The following SMARCA2 variants were observed in gnomAD, a reference collection of about 807,000 sequenced individuals.
SMARCA2 encodes SWI/SNF related BAF chromatin remodeling complex subunit ATPase 2, also known as SWI/SNF-related matrix-associated actin-dependent regulator of chromatin subfamily A member 2.
A neutral mutation model predicts 199.8 loss-of-function variants in SMARCA2; 61 were observed. That is an observed-to-expected ratio of 0.31 (90% CI 0.25 to 0.38). The LOEUF is 0.38. SMARCA2 is among the 10% of genes least tolerant of loss of function. The pLI is 1.00. For synonymous variants in SMARCA2, 935 were observed against 732.0 expected, an observed-to-expected ratio of 1.28 and a Z score of -4.48; for missense variants, 1,344 against 2,012.2, an observed-to-expected ratio of 0.67 and a Z score of 6.35.
At chr9:2,108,743 A>AT (rs1393400937) in intron 23 of SMARCA2, among the ~76,000 whole-genome samples, 3 of 152,348 alleles carry the variant, frequency 2.0e-5, no homozygotes, top group African/African-American at 7.2e-5. Context: ...TCGTGAACAG[A>AT]TAGTTCACCA....
At chr9:2,072,135 A>G (rs1563748930) in intron 10 of SMARCA2, 1 of 152,216 alleles carries the variant, frequency 6.6e-6, no homozygotes, top group African/African-American at 2.4e-5. Context: ...AAACGATAGC[A>G]TACTGTAGGT....
intron 21 of SMARCA2, among the ~76,000 whole-genome samples, chr9:2,097,707 T>C (rs1822331111): frequency 6.6e-6 from 1 of 152,194 alleles, no homozygotes; most frequent in African/African-American, 2.4e-5. Flanking sequence ...ACCAAGAGTT[T>C]AAAGTGGAGA....
chr9:2,157,902 G>A, intron 27 of SMARCA2: 1 of 398,552 alleles, frequency 2.5e-6, no homozygotes. Context: ...TGTGTGTCAG[G>A]ATGAGAGGGC....
intron 10 of SMARCA2, among the ~76,000 whole-genome samples, chr9:2,072,868 C>T (rs1046172837): frequency 2.6e-5 from 4 of 152,188 alleles, no homozygotes; most frequent in African/African-American, 9.7e-5. Flanking sequence ...AGAGCCATTA[C>T]CGCTTTCCTG....
chr9:2,063,485 A>G (rs1820690841), intron 9 of SMARCA2, among the ~76,000 whole-genome samples: 1 of 152,154 alleles, frequency 6.6e-6, no homozygotes, highest in Admixed American at 6.5e-5. Context: ...ACTTTTCCAT[A>G]GTATTAAGTA....
intron 14 of SMARCA2, among the ~76,000 whole-genome samples, chr9:2,078,899 A>G (rs1003584142): frequency 3.3e-5 from 5 of 152,072 alleles, no homozygotes; most frequent in African/African-American, 1.2e-4. Context: ...GAGCCGAGAT[A>G]GCACCACTGC....
intron 27 of SMARCA2, among the ~76,000 whole-genome samples, chr9:2,148,421 C>T (rs936204920): frequency 1.3e-5 from 2 of 151,376 alleles, no homozygotes; most frequent in African/African-American, 4.8e-5. Context: ...CAGTTGTATA[C>T]CCTCTAAAAT....
At chr9:2,080,566 C>A (rs1216776451) in intron 14 of SMARCA2, among the ~76,000 whole-genome samples, 2 of 152,140 alleles carry the variant, frequency 1.3e-5, no homozygotes, top group South Asian at 2.1e-4. Flanking sequence ...TCCTGTCTAC[C>A]ACTGTTTGTT....
chr9:2,149,422 A>T (rs1249665533), intron 27 of SMARCA2, among the ~76,000 whole-genome samples: 1 of 151,522 alleles, frequency 6.6e-6, no homozygotes, highest in Non-Finnish European at 1.5e-5. Context: ...CAGGAGGCTG[A>T]GGCAGGAGAA....
At chr9:2,030,766 G>A (rs981341157) in intron 2 of SMARCA2, among the ~76,000 whole-genome samples, 10 of 152,126 alleles carry the variant, frequency 6.6e-5, no homozygotes, top group Non-Finnish European at 1.2e-4. Flanking sequence ...TAGACAAGCC[G>A]TGGAAGATCC....
chr9:2,039,032 C>T lies in SMARCA2; in HGVS notation c.356-434C>T, dbSNP rs1439774877. 6.6e-6 allele frequency among the ~76,000 whole-genome samples: 1 copy of T among 152,070 alleles called. No homozygotes were observed. The highest frequency in any genetic ancestry group is 1.5e-5 in the Non-Finnish European group (1 of 68,000). ...ACAACAACCACTAACGGTTTACCTT[C>T]TAGGACACATGTAGCTATTGATCAC... On this transcript the variant is annotated intron_variant, in intron 3 of 33. Transcript: ENST00000349721. The surrounding 1 kb of genome is among the most constrained non-coding windows in gnomAD (Gnocchi z 4.8).
rs57088917 is a variant in SMARCA2 at position 2,127,446 on chromosome 9, C to G, written c.3981+3509C>G. Among the ~76,000 whole-genome samples the G allele has an allele frequency of 1.4e-4, 22 of 152,290 alleles. No homozygotes were observed. The East Asian group carries it at 2.1e-3, about 15-fold the overall frequency. On this transcript the variant is annotated intron_variant, in intron 27 of 33. Transcript: ENST00000349721. Reference sequence around the variant, plus strand: ...ATAAACAGAAGTTGATTTCTCCCTTCCCTGAAAGTCCATGGTAGGTATACC... The same window carrying G: ...ATAAACAGAAGTTGATTTCTCCCTTGCCTGAAAGTCCATGGTAGGTATACC...
chr9:2,146,567 G>T (rs1277317486), intron 27 of SMARCA2, among the ~76,000 whole-genome samples: 1 of 152,160 alleles, frequency 6.6e-6, no homozygotes, highest in Non-Finnish European at 1.5e-5. Flanking sequence ...TCTTGCACAA[G>T]AAAGAATTTG....
At chr9:2,146,150 T>G (rs1222644148) in intron 27 of SMARCA2, among the ~76,000 whole-genome samples, 2 of 152,222 alleles carry the variant, frequency 1.3e-5, no homozygotes, top group Non-Finnish European at 2.9e-5. Flanking sequence ...CCATGTCTGG[T>G]GATTCTGTTT....
intron 5 of SMARCA2, 75 bp downstream of exon 5, chr9:2,047,559 C>G: frequency 8.2e-7 from 1 of 1,215,860 alleles, no homozygotes. Flanking sequence ...GGGTGAGGCG[C>G]CTGCCTCCTT....
At position 2,039,342 on chromosome 9, in the gene SMARCA2, ATGATATGT is replaced by A; in HGVS notation, c.356-123_356-116del. ...ATCTTAAACTCCATATAATTAATAA[ATGATATGT>A]CATTCAAATTTCTGTCAGACAGTGT... On this transcript the variant is annotated intron_variant, in intron 3 of 33. Transcript: ENST00000349721. This position sits in a 1 kb window ranked among gnomAD's most constrained non-coding sequence, Gnocchi z 4.8. 3 of 824,580 alleles carry A rather than the reference ATGATATGT, an allele frequency of 3.6e-6. No homozygotes were observed. Among genetic ancestry groups the A allele is most frequent in the Non-Finnish European group, 3.8e-6 (2 of 530,946 alleles). The allele number at this position is 824,580 out of a possible 1,614,324, so 51.1% of individuals were successfully genotyped here.
At chr9:2,032,216 C>T (rs1819102224) in intron 2 of SMARCA2, among the ~76,000 whole-genome samples, 1 of 152,166 alleles carries the variant, frequency 6.6e-6, no homozygotes, top group East Asian at 1.9e-4. Flanking sequence ...GAGGAATAGA[C>T]TTTTCCTTTT....
chr9:2,159,262 T>C (rs956300409), intron 27 of SMARCA2, among the ~76,000 whole-genome samples: 12 of 152,352 alleles, frequency 7.9e-5, no homozygotes, highest in African/African-American at 2.9e-4. Flanking sequence ...TGAAAAATTT[T>C]ACAGCATGAA....
chr9:2,137,951 T>C (rs1406037748), intron 27 of SMARCA2, among the ~76,000 whole-genome samples: 4 of 152,194 alleles, frequency 2.6e-5, no homozygotes, highest in Non-Finnish European at 4.4e-5. Context: ...CATGTAAAGA[T>C]TTCTTAAAAT....
Sources: allele counts gnomAD v4.1 joint callset (sites outside exome capture counted in the v4.1 genomes callset), GRCh38; gene constraint gnomAD v4.1.1; non-coding constraint Gnocchi (gnomAD v3.1); transcripts MANE v1.5; gene names NCBI Gene and HGNC (gene_info 2026-07-23, HGNC 2026-07-21).